The following ANKS1B variants were observed in gnomAD, a reference collection of about 807,000 sequenced individuals.
ANKS1B encodes ankyrin repeat and sterile alpha motif domain containing 1B, also known as ankyrin repeat and sterile alpha motif domain-containing protein 1B.
A neutral mutation model predicts 148.3 loss-of-function variants in ANKS1B; 36 were observed. The ratio of observed to expected loss-of-function variants is 0.24; its 90% confidence interval spans 0.19 to 0.32. The LOEUF is 0.32. Ranked by LOEUF, ANKS1B falls within the 10% of genes least tolerant of loss-of-function variation. ANKS1B has a pLI of 1.00. For synonymous variants in ANKS1B, 542 were observed against 560.8 expected (o/e 0.97, Z 0.47); for missense variants, 1,157 against 1,542.6 (o/e 0.75, Z 4.19).
chr12:99,630,864 A>T (rs1302951656), intron 9 of ANKS1B, among the ~76,000 whole-genome samples: 1 of 152,122 alleles, frequency 6.6e-6, no homozygotes, highest in Non-Finnish European at 1.5e-5. Context: ...CTCTCCACCC[A>T]AATCTCATCT....
intron 17 of ANKS1B, among the ~76,000 whole-genome samples, chr12:99,035,825 G>A (rs2099955198): frequency 6.6e-6 from 1 of 152,184 alleles, no homozygotes; most frequent in African/African-American, 2.4e-5. Flanking sequence ...TCTGGAAAAA[G>A]TGGAAAAGGC....
chr12:99,780,503 C>T (rs879369715), intron 5 of ANKS1B, among the ~76,000 whole-genome samples: 9 of 151,584 alleles, frequency 5.9e-5, no homozygotes, highest in Non-Finnish European at 1.3e-4. Flanking sequence ...AGGATGGTCT[C>T]GATATCCTGA....
chr12:98,844,683 T>G (rs906921313), intron 17 of ANKS1B, among the ~76,000 whole-genome samples: 1 of 152,166 alleles, frequency 6.6e-6, no homozygotes, highest in Admixed American at 6.5e-5. Flanking sequence ...CACAGCTGGT[T>G]GTACATCTAT....
At chr12:98,764,704 C>T (rs979080552) in intron 25 of ANKS1B, among the ~76,000 whole-genome samples, 1 of 152,214 alleles carries the variant, frequency 6.6e-6, no homozygotes, top group African/African-American at 2.4e-5. Flanking sequence ...ACCTGATACC[C>T]TGAGTTCACT....
intron 17 of ANKS1B, among the ~76,000 whole-genome samples, chr12:98,924,245 T>C (rs2099805125): frequency 6.6e-6 from 1 of 152,270 alleles, no homozygotes; most frequent in South Asian, 2.1e-4. Flanking sequence ...AATGTGCCAA[T>C]ATTCTTGCTA....
intron 25 of ANKS1B, among the ~76,000 whole-genome samples, chr12:98,755,730 G>A (rs2098223702): frequency 6.6e-6 from 1 of 152,090 alleles, no homozygotes; most frequent in African/African-American, 2.4e-5. Flanking sequence ...TAACTTTCCA[G>A]ACATCACAGA....
intron 12 of ANKS1B, among the ~76,000 whole-genome samples, chr12:99,284,482 T>A (rs1005791663): frequency 1.2e-4 from 19 of 152,340 alleles, no homozygotes; most frequent in Non-Finnish European, 2.1e-4. Context: ...CCTAAAATTA[T>A]CCAAATCTAG....
chr12:99,914,082 T>G (rs546457166), intron 1 of ANKS1B, among the ~76,000 whole-genome samples: 55 of 152,262 alleles, frequency 3.6e-4, no homozygotes, highest in Middle Eastern at 3.4e-3. Flanking sequence ...CTTTCTCCAT[T>G]TTCTCTTTAT....
intron 17 of ANKS1B, among the ~76,000 whole-genome samples, chr12:99,019,374 G>T (rs1228624537): frequency 6.6e-6 from 1 of 152,164 alleles, no homozygotes; most frequent in African/African-American, 2.4e-5. Context: ...GTAAGAATTT[G>T]AAAAGAGGAT....
At chr12:98,874,730 G>C (rs2099683439) in intron 17 of ANKS1B, among the ~76,000 whole-genome samples, 1 of 152,050 alleles carries the variant, frequency 6.6e-6, no homozygotes, top group Non-Finnish European at 1.5e-5. Context: ...GTTTAGAAAA[G>C]TAAATATATT....
In ANKS1B at chr12:99,671,321, C is replaced by T. The variant is rs543790005; in HGVS notation, c.1129-16111G>A. 1.1e-4 allele frequency among the ~76,000 whole-genome samples: 17 copies of T among 152,062 alleles called. 1 individual carries two copies. In the South Asian group the frequency reaches 2.9e-3, roughly 26 times the overall value. Reference sequence around the variant, plus strand: ...GAAATGCTTTCAGTGCTGATGTTTACGTAAATATGTACTTGTATGCATGTG... The same window carrying T: ...GAAATGCTTTCAGTGCTGATGTTTATGTAAATATGTACTTGTATGCATGTG... On this transcript the variant is annotated intron_variant, in intron 8 of 26. Transcript: ENST00000683438.
chr12:99,905,797 G>C (rs576739450), intron 1 of ANKS1B, among the ~76,000 whole-genome samples: 9 of 152,114 alleles, frequency 5.9e-5, no homozygotes, highest in Non-Finnish European at 8.8e-5. Context: ...TATTGGATTA[G>C]AGCCCACCCT....
intron 8 of ANKS1B, among the ~76,000 whole-genome samples, chr12:99,696,777 A>G (rs1362651161): frequency 6.6e-6 from 1 of 152,226 alleles, no homozygotes; most frequent in Non-Finnish European, 1.5e-5. Context: ...GATACTCTTA[A>G]GAGAATGAAA....
Position 99,961,297 on chromosome 12 carries a change from C to T in ANKS1B, c.134+22807G>A, listed in dbSNP as rs73380133. On this transcript the variant is annotated intron_variant, in intron 1 of 26. Transcript: ENST00000683438. ...AACAAATGAAGTGAGAGAATTTAAA[C>T]AGAAAGGAAGTGGGAAAGGTAAGGT... 2.9e-3 allele frequency among the ~76,000 whole-genome samples: 438 copies of T among 152,164 alleles called. 1 individual carries two copies. Among genetic ancestry groups the T allele is most frequent in the African/African-American group, 0.01 (419 of 41,510 alleles).
At chr12:98,919,934 A>AT in intron 17 of ANKS1B, among the ~76,000 whole-genome samples, 1 of 152,194 alleles carries the variant, frequency 6.6e-6, no homozygotes, top group African/African-American at 2.4e-5. Context: ...AACTTCAGGA[A>AT]TTGGGGAAAA....
intron 17 of ANKS1B, among the ~76,000 whole-genome samples, chr12:98,886,534 G>A (rs1002820171): frequency 5.3e-5 from 8 of 152,212 alleles, no homozygotes; most frequent in African/African-American, 1.9e-4. Flanking sequence ...TGATGTTCCT[G>A]AAGTAGGTAA....
intron 11 of ANKS1B, among the ~76,000 whole-genome samples, chr12:99,426,852 C>A (rs1371662447): frequency 6.6e-6 from 1 of 152,126 alleles, no homozygotes; most frequent in East Asian, 1.9e-4. Flanking sequence ...CCAGTTCCAG[C>A]AACATCAAAA....
chr12:98,834,873 C>A (rs529245516), intron 17 of ANKS1B, among the ~76,000 whole-genome samples: 3 of 152,208 alleles, frequency 2.0e-5, no homozygotes, highest in South Asian at 4.2e-4. Flanking sequence ...AATATGATAA[C>A]CTTTTCAAAG....
intron 14 of ANKS1B, among the ~76,000 whole-genome samples, chr12:99,180,823 C>A (rs760838699): frequency 3.3e-5 from 5 of 151,988 alleles, no homozygotes; most frequent in Non-Finnish European, 7.4e-5. Flanking sequence ...GCCTCAGAAG[C>A]AAGGTCTTTC....
Sources: gnomAD v4.1 joint callset for allele counts (sites outside exome capture counted in the v4.1 genomes callset) on GRCh38, gnomAD v4.1.1 for gene constraint, MANE v1.5 for transcripts, NCBI Gene and HGNC (gene_info 2026-07-23, HGNC 2026-07-21) for gene names.